Variants in WEE1 observed in about 807,000 individuals in gnomAD.
WEE1 encodes WEE1 G2 checkpoint kinase.
In WEE1, 16 loss-of-function variants were observed where a neutral mutation model predicts 68.8. The observed-to-expected ratio is 0.23, with a 90% CI of 0.16 to 0.35. The LOEUF (loss-of-function observed/expected upper bound fraction) is 0.35, where lower values mean the gene tolerates loss of function less well. Ranked by LOEUF, WEE1 falls within the 10% of genes least tolerant of loss-of-function variation. The probability of loss-of-function intolerance (pLI) is 1.00; values close to 1 mark genes in which losing one functional copy is unlikely to be tolerated. For synonymous variants in WEE1, 349 were observed against 318.7 expected (o/e 1.09, Z -1.01); for missense variants, 651 against 824.1 (o/e 0.79, Z 2.57).
Position 9,589,435 on chromosome 11 carries a change from T to G in WEE1, c.*833T>G. The G allele has an allele frequency of 1.0e-6, 1 of 985,214 alleles. No individual in the cohort carries two copies. Among genetic ancestry groups the G allele is most frequent in the Non-Finnish European group, 1.2e-6 (1 of 829,754 alleles). The allele number at this position is 985,214 out of a possible 1,614,324, so 61.0% of individuals were successfully genotyped here. A position where few individuals can be genotyped will look rare whatever the true frequency, so the allele number is the denominator to read the frequency against. On this transcript the variant is annotated 3_prime_UTR_variant, in exon 11 of 11. Coordinates refer to ENST00000450114, the MANE Select transcript of WEE1 (RefSeq NM_003390.4). ...TCTTTTTAAATGTCTCCCCCTAAGTTTTATACTTGATTGTATTATTAGTCT... is the reference window on the plus strand; with the variant it reads ...TCTTTTTAAATGTCTCCCCCTAAGTGTTATACTTGATTGTATTATTAGTCT...
chr11:9,585,357 A>G lies in WEE1; in HGVS notation c.1384+4A>G. 6.2e-7 allele frequency: 1 copy of G among 1,613,106 alleles called. No individual in the cohort carries two copies. Among genetic ancestry groups the G allele is most frequent in the South Asian group, 1.1e-5 (1 of 90,918 alleles). The stretch of plus-strand genomic sequence containing the variant: ...AACAAAGTTATGTTTAAAATAGGTA[A>G]GAAAGGTAATCAGATTATTACCTTC... On this transcript the variant is annotated splice_donor_region_variant and intron_variant, in intron 7 of 10. Transcript: ENST00000450114.
Position 9,573,784 on chromosome 11 carries a change from C to T in WEE1, c.-150C>T. On this transcript the variant is annotated 5_prime_UTR_variant, in exon 1 of 11. Coordinates refer to ENST00000450114, the MANE Select transcript of WEE1 (RefSeq NM_003390.4). The stretch of plus-strand genomic sequence containing the variant: ...CCGCCACCGTCCGCAGCCCGAGCGC[C>T]CCGGAGCCGCAGGCCGCCGCCGCGC... 1 of 559,794 alleles carries T rather than the reference C, an allele frequency of 1.8e-6. No individual in the cohort carries two copies. The highest frequency in any genetic ancestry group is 2.4e-6 in the Non-Finnish European group (1 of 411,920). The allele number at this position is 559,794 out of a possible 1,614,324, so 34.7% of individuals were successfully genotyped here. A position where few individuals can be genotyped will look rare whatever the true frequency, so the allele number is the denominator to read the frequency against.
chr11:9,586,376 C>T (rs759620089), intron 8 of WEE1, 73 bp from the exon 9 acceptor site: 4 of 1,381,626 alleles, frequency 2.9e-6, no homozygotes, highest in Non-Finnish European at 4.0e-6. Context: ...TCACCTAAGT[C>T]ATCTTTGAGG....
chr11:9,582,502 C>A (rs891946507), intron 6 of WEE1, among the ~76,000 whole-genome samples: 12 of 152,148 alleles, frequency 7.9e-5, no homozygotes, highest in Non-Finnish European at 1.6e-4. Flanking sequence ...TCATTTTGTA[C>A]AACTTTATGA....
chr11:9,578,687 G>C (rs1849589871), intron 5 of WEE1: 1 of 151,968 alleles, frequency 6.6e-6, no homozygotes, highest in African/African-American at 2.4e-5. Context: ...TAACAGAATA[G>C]TTCATTAGTA....
intron 5 of WEE1, chr11:9,577,765 C>A: frequency 2.4e-6 from 1 of 424,830 alleles, no homozygotes; most frequent in Admixed American, 2.8e-5. Flanking sequence ...CCCTAGAATC[C>A]ACTAACGCTT....
At chr11:9,580,545 C>T (rs1206470003) in intron 5 of WEE1, 2 of 149,274 alleles carry the variant, frequency 1.3e-5, no homozygotes, top group African/African-American at 4.9e-5. Context: ...CTCACTGCAA[C>T]CTCCGCCTCC....
In WEE1 at chr11:9,581,544, C is replaced by G. The variant is rs373820687; in HGVS notation, c.1154C>G (p.Ala385Gly). ...CTATCTTTGTTAGGTGGAAGTTTAG[C>G]TGATGCTATAAGTGAAAACTACAGA... ...QNEYCNGGSL[A>G]DAISENYRIM... Residue 385 changes from alanine (A) to glycine (G), a missense_variant, in exon 6 of 11, where the codon GCT (alanine) becomes GGT (glycine). Physicochemically the swap from Ala to Gly is moderately conservative, Grantham distance 60. This residue lies in a region of WEE1 where 82 missense variants were observed against 123.2 expected (regional missense o/e 0.67). Transcript: ENST00000450114. 3.8e-5 allele frequency: 61 copies of G among 1,594,686 alleles called. No homozygotes were observed. The highest frequency in any genetic ancestry group is 5.0e-5 in the Non-Finnish European group (59 of 1,175,468).
rs552128328 is a variant in WEE1 at position 9,576,908 on chromosome 11, T to C, written c.1020-234T>C. Among the ~76,000 whole-genome samples the C allele has an allele frequency of 1.3e-5, 2 of 152,238 alleles. No individual in the cohort carries two copies. Among genetic ancestry groups the C allele is most frequent in the Non-Finnish European group, 1.5e-5 (1 of 68,032 alleles). On this transcript the variant is annotated intron_variant, in intron 4 of 10. Transcript: ENST00000450114. This position sits in a 1 kb window ranked among gnomAD's most constrained non-coding sequence, Gnocchi z 4.3. ...CATGAATTCACAGTAAAATGGAGTTTATTCTTACCTGAGTCCTAGGGCAAG... is the reference window on the plus strand; with the variant it reads ...CATGAATTCACAGTAAAATGGAGTTCATTCTTACCTGAGTCCTAGGGCAAG...
At chr11:9,585,211 T>A in intron 6 of WEE1, 47 bp from the exon 7 acceptor site, 1 of 1,393,182 alleles carries the variant, frequency 7.2e-7, no homozygotes, top group Non-Finnish European at 1.0e-6. Flanking sequence ...TTATGAACTC[T>A]GGTTTTATTA....
At position 9,589,322 on chromosome 11, in the gene WEE1, G is replaced by T. The variant is rs923297651; in HGVS notation, c.*720G>T. ...TTTGAAGCTAGTGCATTGGAAAAATGCACCCTTTCCCTCCTTTGGAATGCT... is the reference window on the plus strand; with the variant it reads ...TTTGAAGCTAGTGCATTGGAAAAATTCACCCTTTCCCTCCTTTGGAATGCT... On this transcript the variant is annotated 3_prime_UTR_variant, in exon 11 of 11. Transcript: ENST00000450114. 1.0e-6 allele frequency: 1 copy of T among 983,246 alleles called. No homozygotes were observed. The highest frequency in any genetic ancestry group is 4.7e-5 in the South Asian group (1 of 21,192). 60.9% of individuals were successfully genotyped at this position (983,246 alleles called of 1,614,324 possible).
rs1849569191 is a variant in WEE1 at position 9,576,807 on chromosome 11, G to A, written c.1019+148G>A. 5 of 820,092 alleles carry A rather than the reference G, an allele frequency of 6.1e-6. No homozygotes were observed. The South Asian group carries it at 1.0e-4, about 17-fold the overall frequency. 50.8% of individuals were successfully genotyped at this position (820,092 alleles called of 1,614,324 possible). A position where few individuals can be genotyped will look rare whatever the true frequency, so the allele number is the denominator to read the frequency against. ...AGGTCCTTTTCACTTAATACCATCAGTTCTTATTGGACTTGTTGAATAATA... is the reference window on the plus strand; with the variant it reads ...AGGTCCTTTTCACTTAATACCATCAATTCTTATTGGACTTGTTGAATAATA... On this transcript the variant is annotated intron_variant, in intron 4 of 10. Transcript: ENST00000450114. This position sits in a 1 kb window ranked among gnomAD's most constrained non-coding sequence, Gnocchi z 4.3.
chr11:9,574,859 G>GC lies in WEE1; in HGVS notation c.576+352dup, dbSNP rs1849546867. ...GAGGATGCTGGAGGGTGCCGGCCCG[G>GC]CCACCTGACACTCCCGAGCCATAGG... On this transcript the variant is annotated intron_variant, in intron 1 of 10. Coordinates refer to ENST00000450114, the MANE Select transcript of WEE1 (RefSeq NM_003390.4). The surrounding 1 kb of genome is among the most constrained non-coding windows in gnomAD (Gnocchi z 4.9). The GC allele has an allele frequency of 2.0e-6, 2 of 988,726 alleles. No homozygotes were observed. The highest frequency in any genetic ancestry group is 2.4e-6 in the Non-Finnish European group (2 of 832,192). The allele number at this position is 988,726 out of a possible 1,614,324, so 61.2% of individuals were successfully genotyped here.
rs1343220831 is a variant in WEE1 at position 9,574,464 on chromosome 11, G to A, written c.531G>A (p.Lys177=). The change falls in exon 1 of 11, where the codon AAG becomes AAA. Residue 177 remains lysine (K), a synonymous_variant. Transcript: ENST00000450114. This position sits in a 1 kb window ranked among gnomAD's most constrained non-coding sequence, Gnocchi z 4.9. ...ACCACCCGGGCACCCCGCCACACAA[G>A]ACCTTCCGCAAGCTGCGACTCTTCG... The part of the protein sequence containing the change: ...RPDHPGTPPH[K]TFRKLRLFDT... 3 of 1,258,336 alleles carry A rather than the reference G, an allele frequency of 2.4e-6. No homozygotes were observed. Among genetic ancestry groups the A allele is most frequent in the Admixed American group, 3.8e-5 (1 of 26,100 alleles). 77.9% of individuals were successfully genotyped at this position (1,258,336 alleles called of 1,614,324 possible).
intron 6 of WEE1, among the ~76,000 whole-genome samples, chr11:9,583,753 A>ACGCG (rs368149320): frequency 1.0e-5 from 1 of 96,926 alleles, no homozygotes; most frequent in Non-Finnish European, 1.9e-5. Context: ...GTGTGCGTGC[A>ACGCG]CGCGCGCGCA....
intron 5 of WEE1, chr11:9,581,287 A>T: frequency 2.5e-6 from 1 of 404,356 alleles, no homozygotes; most frequent in Non-Finnish European, 4.3e-6. Flanking sequence ...CTGAGAAAGA[A>T]ACAGGTGGAT....
At chr11:9,583,632 CT>C (rs1335492927) in intron 6 of WEE1, among the ~76,000 whole-genome samples, 1 of 143,200 alleles carries the variant, frequency 7.0e-6, no homozygotes, top group Non-Finnish European at 1.5e-5. Flanking sequence ...AAAAAAAAAC[CT>C]TCCAATTTAC....
Position 9,576,936 on chromosome 11 carries a change from A to G in WEE1, c.1020-206A>G, listed in dbSNP as rs984998208. On this transcript the variant is annotated intron_variant, in intron 4 of 10. Transcript: ENST00000450114. This position sits in a 1 kb window ranked among gnomAD's most constrained non-coding sequence, Gnocchi z 4.3. ...TCTTACCTGAGTCCTAGGGCAAGCAACATTTCTTCTTTCTGATAAATCTTT... is the reference window on the plus strand; with the variant it reads ...TCTTACCTGAGTCCTAGGGCAAGCAGCATTTCTTCTTTCTGATAAATCTTT... Among the ~76,000 whole-genome samples the G allele has an allele frequency of 3.9e-5, 6 of 152,218 alleles. No homozygotes were observed. Among genetic ancestry groups the G allele is most frequent in the Non-Finnish European group, 5.9e-5 (4 of 68,022 alleles).
chr11:9,585,868 T>C (rs961610013), intron 8 of WEE1, among the ~76,000 whole-genome samples: 6 of 152,230 alleles, frequency 3.9e-5, no homozygotes, highest in Admixed American at 3.9e-4. Context: ...ACTATTCATA[T>C]ACAAATACAA....
Sources: gnomAD v4.1 joint callset for allele counts (sites outside exome capture counted in the v4.1 genomes callset) on GRCh38, gnomAD v4.1.1 for gene constraint, gnomAD v4.1.1 regional missense constraint, Gnocchi (gnomAD v3.1) non-coding constraint, MANE v1.5 for transcripts, NCBI Gene and HGNC (gene_info 2026-07-23, HGNC 2026-07-21) for gene names.